Variants in FAM185A observed in about 807,000 individuals in gnomAD.
FAM185A encodes the protein family with sequence similarity 185 member A.
FAM185A carries 21 observed loss-of-function variants against 45.7 expected under a neutral mutation model. That is an observed-to-expected ratio of 0.46 (90% CI 0.33 to 0.66). The LOEUF is 0.66. Among genes scored for constraint, FAM185A ranks in the 30% least tolerant of loss-of-function variants. FAM185A has a pLI of 0.03. For synonymous variants in FAM185A, 117 were observed against 194.0 expected (o/e 0.60, Z 3.30); for missense variants, 305 against 485.4 (o/e 0.63, Z 3.49).
chr7:102,797,058 T>G (rs1796474226), intron 7 of FAM185A, among the ~76,000 whole-genome samples: 1 of 152,220 alleles, frequency 6.6e-6, no homozygotes, highest in South Asian at 2.1e-4. Flanking sequence ...TGAGAGGAAA[T>G]TTAGTGGATA....
chr7:102,830,043 T>C, the FAM185A span, among the ~76,000 whole-genome samples: 3 of 152,192 alleles, frequency 2.0e-5, no homozygotes, highest in African/African-American at 2.4e-5. Context: ...TCTAAAATAA[T>C]TGACTCTTCC....
intron 4 of FAM185A, among the ~76,000 whole-genome samples, chr7:102,765,263 T>A (rs909111698): frequency 2.0e-5 from 3 of 152,224 alleles, no homozygotes; most frequent in African/African-American, 7.2e-5. Context: ...GCTTCAGCTA[T>A]GTTCTACATT....
chr7:102,767,469 A>G (rs1794481688), intron 4 of FAM185A, among the ~76,000 whole-genome samples: 2 of 152,244 alleles, frequency 1.3e-5, no homozygotes, highest in Admixed American at 1.3e-4. Context: ...AGGCACACAA[A>G]TATTAATGGA....
chr7:102,766,415 TC>T (rs1794399062), intron 4 of FAM185A, among the ~76,000 whole-genome samples: 1 of 152,240 alleles, frequency 6.6e-6, no homozygotes, highest in Admixed American at 6.5e-5. Flanking sequence ...CATAAACTTT[TC>T]CTTTAGTAAC....
chr7:102,784,338 G>T (rs1795628432), intron 6 of FAM185A, among the ~76,000 whole-genome samples: 2 of 151,722 alleles, frequency 1.3e-5, no homozygotes, highest in African/African-American at 4.8e-5. Flanking sequence ...ATTTTATGAG[G>T]CCAGCATCAT....
chr7:102,794,996 G>T (rs1796364152), intron 7 of FAM185A, among the ~76,000 whole-genome samples: 1 of 152,200 alleles, frequency 6.6e-6, no homozygotes, highest in Non-Finnish European at 1.5e-5. Context: ...CATAGGTTAG[G>T]GAAGGAGAAG....
the FAM185A span, among the ~76,000 whole-genome samples, chr7:102,848,162 A>C: frequency 6.6e-6 from 1 of 152,208 alleles, no homozygotes; most frequent in Non-Finnish European, 1.5e-5. Flanking sequence ...CTGGCTGCTA[A>C]TGACATTTCT....
the FAM185A span, among the ~76,000 whole-genome samples, chr7:102,838,416 T>C: frequency 2.0e-5 from 3 of 152,096 alleles, no homozygotes; most frequent in East Asian, 1.9e-4. Context: ...GTGGCTCTGA[T>C]TGCCAAACTT....
At chr7:102,788,678 A>C (rs1795969893) in intron 7 of FAM185A, among the ~76,000 whole-genome samples, 1 of 152,240 alleles carries the variant, frequency 6.6e-6, no homozygotes, top group Non-Finnish European at 1.5e-5. Context: ...TGACAGAGAT[A>C]CATTCTGAGA....
At chr7:102,798,807 G>A (rs1406525090) in intron 7 of FAM185A, among the ~76,000 whole-genome samples, 1 of 151,900 alleles carries the variant, frequency 6.6e-6, no homozygotes, top group Non-Finnish European at 1.5e-5. Context: ...GAGTGCAATG[G>A]CACAATCTCG....
intron 5 of FAM185A, among the ~76,000 whole-genome samples, chr7:102,775,033 A>G (rs1488967406): frequency 6.7e-6 from 1 of 149,338 alleles, no homozygotes; most frequent in African/African-American, 2.5e-5. Context: ...GCTTTTGCTG[A>G]CTTTATTGAG....
At chr7:102,798,951 T>C (rs1796608790) in intron 7 of FAM185A, among the ~76,000 whole-genome samples, 1 of 152,202 alleles carries the variant, frequency 6.6e-6, no homozygotes, top group Non-Finnish European at 1.5e-5. Context: ...TTTCACCATG[T>C]TGGCCAGGCT....
chr7:102,812,445 T>C (rs1360861286), downstream of FAM185A, among the ~76,000 whole-genome samples: 1 of 152,234 alleles, frequency 6.6e-6, no homozygotes, highest in Non-Finnish European at 1.5e-5. Flanking sequence ...CAGATAGTTC[T>C]TGTTTCTATT....
intron 4 of FAM185A, among the ~76,000 whole-genome samples, chr7:102,767,073 G>C (rs58627435): frequency 0.085 from 12,874 of 151,928 alleles, 616 homozygotes; most frequent in East Asian, 0.2. Flanking sequence ...TGGAATTACA[G>C]GCATGAGCCA....
At chr7:102,831,691 G>C in the FAM185A span, among the ~76,000 whole-genome samples, 1 of 152,124 alleles carries the variant, frequency 6.6e-6, no homozygotes, top group African/African-American at 2.4e-5. Flanking sequence ...GTGTAAATCA[G>C]ATTTTTTTTT....
the FAM185A span, among the ~76,000 whole-genome samples, chr7:102,826,759 A>G: frequency 0.24 from 26,497 of 111,490 alleles, 4,814 homozygotes; most frequent in East Asian, 0.57. Flanking sequence ...ATATATATAT[A>G]TATATATATA....
intron 4 of FAM185A, among the ~76,000 whole-genome samples, chr7:102,771,785 G>T (rs1794759349): frequency 6.6e-6 from 1 of 152,136 alleles, no homozygotes; most frequent in South Asian, 2.1e-4. Context: ...TTGGTGTTAG[G>T]GGAAAGGGGC....
chr7:102,807,231 G>C lies in FAM185A; in HGVS notation c.1067-1059G>C, dbSNP rs556250595. 2.5e-4 allele frequency among the ~76,000 whole-genome samples: 38 copies of C among 152,186 alleles called. 3 individuals carry two copies. The South Asian group carries it at 7.9e-3, about 32-fold the overall frequency. On this transcript the variant is annotated intron_variant, in intron 7 of 7. Transcript: ENST00000413034. ...AAGGGAGGGGCATGAGGGAAAGACTGTACTTGACTACAAAGAAATTTTTGG... is the reference window on the plus strand; with the variant it reads ...AAGGGAGGGGCATGAGGGAAAGACTCTACTTGACTACAAAGAAATTTTTGG...
At chr7:102,830,073 T>C in the FAM185A span, among the ~76,000 whole-genome samples, 917 of 152,326 alleles carry the variant, frequency 6.0e-3, 1 homozygote, top group Non-Finnish European at 9.4e-3. Flanking sequence ...TTTCTCCCTC[T>C]AAACCTTTGA....
Sources: gnomAD v4.1 joint callset for allele counts (sites outside exome capture counted in the v4.1 genomes callset) on GRCh38, gnomAD v4.1.1 for gene constraint, MANE v1.5 for transcripts, NCBI Gene and HGNC (gene_info 2026-07-23, HGNC 2026-07-21) for gene names.